Variants in CNTN4 observed in about 807,000 individuals in gnomAD.
The protein encoded by CNTN4 is contactin 4.
In CNTN4, 77 loss-of-function variants were observed where a neutral mutation model predicts 122.5. The observed-to-expected ratio is 0.63, with a 90% CI of 0.52 to 0.76. CNTN4 has a LOEUF of 0.76. Among genes scored for constraint, CNTN4 ranks in the 30% least tolerant of loss-of-function variants. CNTN4 has a pLI of 0.00. For missense variants in CNTN4, 1,256 were observed against 1,259.1 expected, an observed-to-expected ratio of 1.00 and a Z score of 0.04; for synonymous variants, 512 against 447.0, an observed-to-expected ratio of 1.15 and a Z score of -1.83.
At position 2,329,869 on chromosome 3, in the gene CNTN4, A is replaced by G. The variant is rs769270620; in HGVS notation, c.-144-9309A>G. On this transcript the variant is annotated intron_variant, in intron 2 of 24. Coordinates refer to ENST00000418658, the MANE Select transcript of CNTN4 (RefSeq NM_175607.3). Reference sequence around the variant, plus strand: ...AACAAACAAACGTTTCTCTCTACTTACACTAAACATGCCACACTTTTTGAC... The same window carrying G: ...AACAAACAAACGTTTCTCTCTACTTGCACTAAACATGCCACACTTTTTGAC... Among the ~76,000 whole-genome samples, 26 of 152,352 alleles carry G rather than the reference A, an allele frequency of 1.7e-4. 1 individual carries two copies. The highest frequency in any genetic ancestry group is 7.7e-4 in the East Asian group (4 of 5,184).
intron 2 of CNTN4, among the ~76,000 whole-genome samples, chr3:2,107,662 C>G (rs766125321): frequency 1.3e-5 from 2 of 152,082 alleles, no homozygotes; most frequent in African/African-American, 2.4e-5. Flanking sequence ...TCTTCAGATT[C>G]ATAAATTACC....
chr3:2,509,910 G>A (rs973828581), intron 3 of CNTN4, among the ~76,000 whole-genome samples: 1 of 152,096 alleles, frequency 6.6e-6, no homozygotes, highest in Non-Finnish European at 1.5e-5. Context: ...CTTCTGATTG[G>A]CACCATGAAG....
intron 2 of CNTN4, among the ~76,000 whole-genome samples, chr3:2,246,629 A>G (rs1015984016): frequency 2.6e-5 from 4 of 152,032 alleles, no homozygotes; most frequent in African/African-American, 9.7e-5. Context: ...TGTATATACT[A>G]TTATAGGAAA....
Position 2,781,873 on chromosome 3 carries a change from C to T in CNTN4, c.358+36176C>T, listed in dbSNP as rs560349040. On this transcript the variant is annotated intron_variant, in intron 6 of 24. Coordinates refer to ENST00000418658, the MANE Select transcript of CNTN4 (RefSeq NM_175607.3). ...CCGAGTAGCTGGGACTGCAGGCGCC[C>T]GCACCACGCCCGGCTAATTTTTTGT... Among the ~76,000 whole-genome samples, 60 of 43,014 alleles carry T rather than the reference C, an allele frequency of 1.4e-3. 4 individuals carry two copies. The East Asian group carries it at 0.016, about 11-fold the overall frequency. The allele number at this position is 43,014 out of a possible 152,430, so 28.2% of individuals were successfully genotyped here. A position where few individuals can be genotyped will look rare whatever the true frequency, so the allele number is the denominator to read the frequency against.
chr3:2,909,819 T>A (rs9823093), intron 12 of CNTN4, among the ~76,000 whole-genome samples: 8,286 of 152,164 alleles, frequency 0.054, 777 homozygotes, highest in African/African-American at 0.19. Context: ...AGCTCTAGAG[T>A]GGGGCCTGGG....
chr3:2,536,575 A>C (rs1463438176), intron 3 of CNTN4, among the ~76,000 whole-genome samples: 1 of 150,764 alleles, frequency 6.6e-6, no homozygotes, highest in Non-Finnish European at 1.5e-5. Context: ...TGAAGAAAAT[A>C]TTTTTTAAAT....
chr3:2,143,769 A>C (rs2035118176), intron 2 of CNTN4, among the ~76,000 whole-genome samples: 1 of 152,234 alleles, frequency 6.6e-6, no homozygotes, highest in South Asian at 2.1e-4. Context: ...TTACAAGTGC[A>C]GAATCAGTAA....
At chr3:2,659,482 A>G (rs964360485) in intron 4 of CNTN4, among the ~76,000 whole-genome samples, 1 of 127,072 alleles carries the variant, frequency 7.9e-6, no homozygotes, top group Non-Finnish European at 1.7e-5. Flanking sequence ...AAAAAAAAAA[A>G]GAAGAAGAAG....
intron 6 of CNTN4, among the ~76,000 whole-genome samples, chr3:2,769,010 G>C (rs181250628): frequency 1.3e-5 from 2 of 152,104 alleles, no homozygotes. Context: ...TTAAAATGGG[G>C]TCCACCCTGA....
intron 3 of CNTN4, among the ~76,000 whole-genome samples, chr3:2,512,755 T>G (rs2076925831): frequency 6.6e-6 from 1 of 152,186 alleles, no homozygotes; most frequent in Admixed American, 6.5e-5. Flanking sequence ...AAAGGGGAAT[T>G]GAAGTTTCCA....
At chr3:2,777,319 T>G (rs2091361924) in intron 6 of CNTN4, among the ~76,000 whole-genome samples, 1 of 152,188 alleles carries the variant, frequency 6.6e-6, no homozygotes, top group Non-Finnish European at 1.5e-5. Context: ...CCCCACTAAA[T>G]TTAGTAAAGA....
At chr3:2,701,532 T>C (rs765433019) in intron 4 of CNTN4, among the ~76,000 whole-genome samples, 2 of 152,166 alleles carry the variant, frequency 1.3e-5, no homozygotes, top group Non-Finnish European at 2.9e-5. Flanking sequence ...ATCCAATTTG[T>C]GTTTTGCTTT....
chr3:2,866,188 CT>C (rs1237076775), intron 7 of CNTN4, among the ~76,000 whole-genome samples: 2 of 152,136 alleles, frequency 1.3e-5, no homozygotes, highest in Non-Finnish European at 2.9e-5. Context: ...TATTCTGTTT[CT>C]AACTAGAGCT....
intron 2 of CNTN4, among the ~76,000 whole-genome samples, chr3:2,312,454 T>A (rs1027242826): frequency 6.6e-6 from 1 of 152,072 alleles, no homozygotes; most frequent in African/African-American, 2.4e-5. Flanking sequence ...ACTAAGCAAA[T>A]CTTGCTGGTG....
At position 2,193,694 on chromosome 3, in the gene CNTN4, A is replaced by G. The variant is rs546307161; in HGVS notation, c.-145+93055A>G. On this transcript the variant is annotated intron_variant, in intron 2 of 24. Coordinates refer to ENST00000418658, the MANE Select transcript of CNTN4 (RefSeq NM_175607.3). The stretch of plus-strand genomic sequence containing the variant: ...AGTAATGCATCACATATGCATGACT[A>G]TGGCCCCATAAGATTATAATGCATC... 3.3e-4 allele frequency among the ~76,000 whole-genome samples: 50 copies of G among 152,346 alleles called. 1 individual carries two copies. Among genetic ancestry groups the G allele is most frequent in the African/African-American group, 1.1e-3 (46 of 41,582 alleles).
chr3:2,747,431 TA>T (rs1017553343), intron 6 of CNTN4, among the ~76,000 whole-genome samples: 25 of 15,524 alleles, frequency 1.6e-3, no homozygotes, highest in African/African-American at 5.3e-3. Context: ...AAAATAAAAA[TA>T]AAAAATAAAA....
chr3:2,715,684 A>C (rs1280109045), intron 4 of CNTN4, among the ~76,000 whole-genome samples: 1 of 152,164 alleles, frequency 6.6e-6, no homozygotes, highest in Non-Finnish European at 1.5e-5. Context: ...GTGCCACCTG[A>C]CTTCCTTTCT....
intron 2 of CNTN4, among the ~76,000 whole-genome samples, chr3:2,334,164 A>C (rs1420764858): frequency 6.6e-6 from 1 of 152,046 alleles, no homozygotes; most frequent in East Asian, 1.9e-4. Context: ...CATTTTATCT[A>C]TTATTGTTAT....
chr3:2,708,705 C>T (rs564818898), intron 4 of CNTN4, among the ~76,000 whole-genome samples: 23 of 149,452 alleles, frequency 1.5e-4, no homozygotes, highest in South Asian at 2.1e-4. Context: ...CGTCCATGCA[C>T]GCAGGCACGC....
Sources: allele counts gnomAD v4.1 joint callset (sites outside exome capture counted in the v4.1 genomes callset), GRCh38; gene constraint gnomAD v4.1.1; transcripts MANE v1.5; gene names NCBI Gene and HGNC (gene_info 2026-07-23, HGNC 2026-07-21).